The following KANSL1 variants were observed in gnomAD, a reference collection of about 807,000 sequenced individuals.
KANSL1 encodes the protein KAT8 regulatory NSL complex subunit 1.
In KANSL1, 22 loss-of-function variants were observed where a neutral mutation model predicts 103.6. The ratio of observed to expected loss-of-function variants is 0.21; its 90% confidence interval spans 0.15 to 0.30. KANSL1 has a LOEUF of 0.30. KANSL1 is among the 10% of genes least tolerant of loss of function. KANSL1 has a pLI of 1.00. For synonymous variants in KANSL1, 600 were observed against 527.6 expected, an observed-to-expected ratio of 1.14 and a Z score of -1.88; for missense variants, 1,337 against 1,399.8, an observed-to-expected ratio of 0.96 and a Z score of 0.72.
At chr17:46,161,280 C>CA (rs1172797718) in intron 2 of KANSL1, among the ~76,000 whole-genome samples, 1 of 114,538 alleles carries the variant, frequency 8.7e-6, no homozygotes, top group Admixed American at 8.8e-5. Context: ...AAAAAAAATA[C>CA]AAAAAATTAG....
chr17:46,171,085 G>A lies in KANSL1; in HGVS notation c.1059C>T (p.Ala353=), dbSNP rs761810633. 2 of 1,614,146 alleles carry A rather than the reference G, an allele frequency of 1.2e-6. No individual in the cohort carries two copies. Among genetic ancestry groups the A allele is most frequent in the Non-Finnish European group, 1.7e-6 (2 of 1,180,044 alleles). ...TGGTCTCACTGGCAGCTTTTCTCAA[G>A]GCAGCTTCAGCCTTTCGAGTCAGCA... ...QLMLTRKAEA[A]LRKAASETTT... Residue 353 remains alanine, a synonymous_variant, in exon 2 of 15, where the codon GCC becomes GCT. Transcript: ENST00000432791.
At chr17:46,087,417 A>G (rs2079206296) in intron 3 of KANSL1, among the ~76,000 whole-genome samples, 1 of 152,190 alleles carries the variant, frequency 6.6e-6, no homozygotes, top group Admixed American at 6.5e-5. Flanking sequence ...GAGGCTGAGC[A>G]AATAAAAAGC....
chr17:46,056,091 G>A (rs2077918779), intron 6 of KANSL1, among the ~76,000 whole-genome samples: 1 of 151,936 alleles, frequency 6.6e-6, no homozygotes, highest in Admixed American at 6.6e-5. Flanking sequence ...CTCCATCTCC[G>A]GGTTCAAGTG....
At chr17:46,037,001 C>A (rs969723419) in intron 10 of KANSL1, among the ~76,000 whole-genome samples, 1 of 152,118 alleles carries the variant, frequency 6.6e-6, no homozygotes, top group African/African-American at 2.4e-5. Context: ...AGGTGAGCGC[C>A]ACTGTGCCTG....
intron 3 of KANSL1, among the ~76,000 whole-genome samples, chr17:46,087,842 A>G (rs1460252704): frequency 2.8e-5 from 4 of 142,074 alleles, no homozygotes; most frequent in Admixed American, 6.9e-5. Flanking sequence ...AATAACCATG[A>G]AAAGAAAGGT....
chr17:46,160,144 T>C (rs1028634416), intron 2 of KANSL1, among the ~76,000 whole-genome samples: 5 of 152,230 alleles, frequency 3.3e-5, no homozygotes, highest in African/African-American at 1.2e-4. Flanking sequence ...ATCATCATCA[T>C]ATGGAAGATT....
intron 2 of KANSL1, among the ~76,000 whole-genome samples, chr17:46,111,005 T>C (rs2042778957): frequency 6.6e-6 from 1 of 152,204 alleles, no homozygotes; most frequent in Admixed American, 6.5e-5. Context: ...GTGAAACAAA[T>C]AACAAGAACA....
intron 1 of KANSL1, among the ~76,000 whole-genome samples, chr17:46,181,986 T>C (rs1054674734): frequency 2.6e-5 from 4 of 152,316 alleles, no homozygotes; most frequent in South Asian, 4.1e-4. Flanking sequence ...CCTGCTTGAA[T>C]TGTATAATGC....
intron 2 of KANSL1, among the ~76,000 whole-genome samples, chr17:46,145,721 A>T (rs2044660122): frequency 6.6e-6 from 1 of 152,182 alleles, no homozygotes; most frequent in Non-Finnish European, 1.5e-5. Flanking sequence ...TGCTCCATCC[A>T]TACTAGCTTT....
intron 6 of KANSL1, among the ~76,000 whole-genome samples, chr17:46,057,389 T>C (rs1177741222): frequency 6.6e-5 from 10 of 152,126 alleles, no homozygotes; most frequent in Admixed American, 6.5e-4. Context: ...CTGTACAAAC[T>C]GTACCTCAGG....
chr17:46,123,523 A>T (rs944385982), intron 2 of KANSL1, among the ~76,000 whole-genome samples: 2 of 152,262 alleles, frequency 1.3e-5, no homozygotes, highest in Non-Finnish European at 2.9e-5. Context: ...GAGAAAATTT[A>T]AAAAGTGCTA....
Position 46,094,635 on chromosome 17 carries a change from A to C in KANSL1, c.1356T>G (p.Leu452=). ...RAAIVSRWNW[L]QAHVSDLEYR... Reference sequence around the variant, plus strand: ...ATTCCAAGTCAGAAACATGAGCCTGAAGCCAGTTCCAGCGGCTGACAATAG... The same window carrying C: ...ATTCCAAGTCAGAAACATGAGCCTGCAGCCAGTTCCAGCGGCTGACAATAG... The change falls in exon 3 of 15, where the codon CTT becomes CTG. Residue 452 remains leucine, a synonymous_variant. Coordinates refer to ENST00000432791, the MANE Select transcript of KANSL1 (RefSeq NM_015443.4). 3.1e-6 allele frequency: 5 copies of C among 1,614,206 alleles called. No individual in the cohort carries two copies. Among genetic ancestry groups the C allele is most frequent in the Non-Finnish European group, 4.2e-6 (5 of 1,180,042 alleles).
At chr17:46,169,208 T>C (rs554179832) in intron 2 of KANSL1, among the ~76,000 whole-genome samples, 2 of 152,368 alleles carry the variant, frequency 1.3e-5, no homozygotes, top group Admixed American at 1.3e-4. Flanking sequence ...ATGCCATGAA[T>C]ATTAGCAAGC....
chr17:46,113,627 G>C lies in KANSL1; in HGVS notation c.1290-18926C>G, dbSNP rs1257039861. ...CAGTTCTCTCATCCAAAAAACTCATGAGTTGGACTAAAAAAAAAACAAAAA... is the reference window on the plus strand; with the variant it reads ...CAGTTCTCTCATCCAAAAAACTCATCAGTTGGACTAAAAAAAAAACAAAAA... On this transcript the variant is annotated intron_variant, in intron 2 of 14. Transcript: ENST00000432791. Among the ~76,000 whole-genome samples, 5 of 148,998 alleles carry C rather than the reference G, an allele frequency of 3.4e-5. No homozygotes were observed. The East Asian group carries it at 1.1e-3, about 32-fold the overall frequency.
chr17:46,092,795 T>G (rs780286462), intron 3 of KANSL1: 2 of 147,582 alleles, frequency 1.4e-5, no homozygotes, highest in African/African-American at 2.5e-5. Flanking sequence ...CAGTATTTCA[T>G]CAATTCTAAG....
chr17:46,147,999 T>C (rs1330295027), intron 2 of KANSL1: 4 of 152,216 alleles, frequency 2.6e-5, no homozygotes, highest in Admixed American at 2.0e-4. Context: ...GCCCTGGTTT[T>C]CCCAATGGTA....
chr17:46,126,122 C>A (rs1329986393), intron 2 of KANSL1, among the ~76,000 whole-genome samples: 1 of 152,032 alleles, frequency 6.6e-6, no homozygotes, highest in Non-Finnish European at 1.5e-5. Context: ...CGGCCGGGCA[C>A]AGTGTAATCC....
At chr17:46,073,747 ATAAC>A (rs1235372059) in intron 4 of KANSL1, among the ~76,000 whole-genome samples, 4 of 152,218 alleles carry the variant, frequency 2.6e-5, no homozygotes, top group African/African-American at 9.6e-5. Flanking sequence ...GTGGAAGGAA[ATAAC>A]TAACCTACGT....
chr17:46,124,145 T>TC (rs2147212369), intron 2 of KANSL1, among the ~76,000 whole-genome samples: 1 of 152,302 alleles, frequency 6.6e-6, no homozygotes, highest in African/African-American at 2.4e-5. Context: ...ATGCCTGTAA[T>TC]CCCAGCACTC....
Sources: gnomAD v4.1 joint callset for allele counts (sites outside exome capture counted in the v4.1 genomes callset) on GRCh38, gnomAD v4.1.1 for gene constraint, MANE v1.5 for transcripts, NCBI Gene and HGNC (gene_info 2026-07-23, HGNC 2026-07-21) for gene names.